The following LRP2 variants were observed in gnomAD, a reference collection of about 807,000 sequenced individuals.
The protein encoded by LRP2 is low-density lipoprotein receptor-related protein 2.
In LRP2, 172 loss-of-function variants were observed where a neutral mutation model predicts 531.0. That is an observed-to-expected ratio of 0.32 (90% CI 0.29 to 0.37). LRP2 has a LOEUF of 0.37. Ranked by LOEUF, LRP2 falls within the 10% of genes least tolerant of loss-of-function variation. The probability of loss-of-function intolerance (pLI) is 1.00; values close to 1 mark genes in which losing one functional copy is unlikely to be tolerated. For missense variants in LRP2, 5,167 were observed against 5,868.3 expected (o/e 0.88, Z 3.90); for synonymous variants, 1,992 against 2,027.6 (o/e 0.98, Z 0.47).
chr2:169,162,423 G>A lies in LRP2; in HGVS notation c.11887+49C>T, dbSNP rs762347878. On this transcript the variant is annotated intron_variant, in intron 63 of 78. Coordinates refer to ENST00000649046, the MANE Select transcript of LRP2 (RefSeq NM_004525.3). ...ATTATGTTATTGCATGTTTTAATTA[G>A]GTAAACCTGAGTTACTACAATGAAC... 8 of 1,606,934 alleles carry A rather than the reference G, an allele frequency of 5.0e-6. No individual in the cohort carries two copies. In the African/African-American group the frequency reaches 9.4e-5, roughly 19 times the overall value.
intron 31 of LRP2, among the ~76,000 whole-genome samples, chr2:169,231,113 G>C (rs1689381368): frequency 6.6e-6 from 1 of 152,052 alleles, no homozygotes; most frequent in African/African-American, 2.4e-5. Context: ...GGGCAACATG[G>C]CAAAACCCGG....
intron 34 of LRP2, 89 bp downstream of exon 34, chr2:169,220,365 C>T (rs1355620525): frequency 8.5e-6 from 8 of 944,012 alleles, no homozygotes; most frequent in African/African-American, 1.6e-5. Context: ...CAGAAGATGT[C>T]CTAAATTTGA....
chr2:169,244,748 G>T lies in LRP2; in HGVS notation c.3375C>A (p.Asn1125Lys). The T allele has an allele frequency of 6.2e-7, 1 of 1,614,202 alleles. No homozygotes were observed. The highest frequency in any genetic ancestry group is 8.5e-7 in the Non-Finnish European group (1 of 1,180,028). The change falls in exon 22 of 79, where the codon AAC becomes AAA. Residue 1125 changes from asparagine (N) to lysine (K), a missense_variant. Coordinates refer to ENST00000649046, the MANE Select transcript of LRP2 (RefSeq NM_004525.3). ...TCDNHQCISK[N>K]WVCDTDNDCG... ...AATCATTGTCTGTGTCACAGACCCA[G>T]TTCTTTGAGATACACTGGTGATTAT... is the stretch of plus-strand genomic sequence containing the variant.
intron 50 of LRP2, among the ~76,000 whole-genome samples, chr2:169,183,759 G>A (rs1463377195): frequency 2.0e-5 from 3 of 152,182 alleles, no homozygotes; most frequent in Admixed American, 6.5e-5. Flanking sequence ...TCCAATGTGC[G>A]TAATGGTGGT....
intron 4 of LRP2, among the ~76,000 whole-genome samples, chr2:169,304,021 T>A (rs1684351029): frequency 6.6e-6 from 1 of 152,236 alleles, no homozygotes; most frequent in Non-Finnish European, 1.5e-5. Flanking sequence ...CATATTCGTA[T>A]CCTGCCAGGT....
In LRP2 at chr2:169,347,288, G is replaced by A. The variant is rs113633666; in HGVS notation, c.79+15033C>T. 2.6e-3 allele frequency among the ~76,000 whole-genome samples: 389 copies of A among 152,266 alleles called. 4 individuals carry two copies. Among genetic ancestry groups the A allele is most frequent in the African/African-American group, 7.5e-3 (312 of 41,542 alleles). On this transcript the variant is annotated intron_variant, in intron 1 of 78. Transcript: ENST00000649046. Reference sequence around the variant, plus strand: ...AATGACAGAGCAGAGATCTTTGGCCGTAGTGAGAGATACTTTGGGACCAAG... The same window carrying A: ...AATGACAGAGCAGAGATCTTTGGCCATAGTGAGAGATACTTTGGGACCAAG...
At position 169,237,269 on chromosome 2, in the gene LRP2, T is replaced by C; in HGVS notation, c.4525A>G (p.Ile1509Val). The C allele has an allele frequency of 6.2e-7, 1 of 1,613,374 alleles. No homozygotes were observed. Among genetic ancestry groups the C allele is most frequent in the South Asian group, 1.1e-5 (1 of 91,068 alleles). ...DRRVVFDSSI[I>V]LTETIAIDWV... ...TCTATTGCAATAGTTTCAGTCAAGA[T>C]GATGCTACTGTCAAATACCTAAAGA... The change falls in exon 28 of 79, where the codon ATC becomes GTC. Residue 1509 changes from isoleucine to valine, a missense_variant. By Grantham distance (29) the Ile-to-Val change is conservative. Coordinates refer to ENST00000649046, the MANE Select transcript of LRP2 (RefSeq NM_004525.3).
chr2:169,155,574 A>T (rs1229263480), intron 65 of LRP2, among the ~76,000 whole-genome samples: 1 of 152,214 alleles, frequency 6.6e-6, no homozygotes, highest in East Asian at 1.9e-4. Context: ...ACTCTAGTAC[A>T]AACTTCAAAT....
intron 6 of LRP2, among the ~76,000 whole-genome samples, chr2:169,293,756 T>G (rs770266272): frequency 3.9e-5 from 6 of 152,050 alleles, no homozygotes; most frequent in Non-Finnish European, 8.8e-5. Flanking sequence ...AAGAGGAGAG[T>G]TAGAGCCACT....
At chr2:169,356,416 G>A (rs760402659) in intron 1 of LRP2, among the ~76,000 whole-genome samples, 9 of 152,136 alleles carry the variant, frequency 5.9e-5, no homozygotes, top group Admixed American at 2.0e-4. Context: ...TAAAATTCTC[G>A]TATTGGGTAA....
rs1253916238 is a variant in LRP2, at chr2:169,246,573, G to C, written c.3190+132C>G. On this transcript the variant is annotated intron_variant, in intron 21 of 78. Transcript: ENST00000649046. ...GCTTAGCTTCCTAAAAGCCTTCAAAGTGCATGTTAAGAATCTGAAATTCTA... is the reference window on the plus strand; with the variant it reads ...GCTTAGCTTCCTAAAAGCCTTCAAACTGCATGTTAAGAATCTGAAATTCTA... The C allele has an allele frequency of 5.5e-6, 6 of 1,093,012 alleles. No homozygotes were observed. In the East Asian group the frequency reaches 9.4e-5, roughly 17 times the overall value. The allele number at this position is 1,093,012 out of a possible 1,614,324, so 67.7% of individuals were successfully genotyped here.
At chr2:169,147,046 A>C (rs1423944998) in intron 68 of LRP2, 87 bp from the exon 69 acceptor site, 1 of 1,035,108 alleles carries the variant, frequency 9.7e-7, no homozygotes, top group African/African-American at 1.6e-5. Context: ...CTACAGGGAA[A>C]CCAACTGTTT....
intron 21 of LRP2, 135 bp from the exon 22 acceptor site, chr2:169,245,067 A>C: frequency 1.0e-6 from 1 of 953,846 alleles, no homozygotes; most frequent in Non-Finnish European, 1.6e-6. Context: ...TCATCAAGTG[A>C]TGTCATCATC....
chr2:169,351,474 G>T (rs780049635), intron 1 of LRP2, among the ~76,000 whole-genome samples: 3 of 152,208 alleles, frequency 2.0e-5, no homozygotes, highest in Non-Finnish European at 4.4e-5. Context: ...TTGGACTTAA[G>T]AACTGGGAAA....
chr2:169,234,392 A>C (rs6752778), intron 29 of LRP2, among the ~76,000 whole-genome samples: 77,370 of 151,850 alleles, frequency 0.51, 20,920 homozygotes, highest in African/African-American at 0.68. Context: ...TGACAACATG[A>C]AGTGTTTGGT....
At chr2:169,200,233 A>C (rs947786382) in intron 44 of LRP2, among the ~76,000 whole-genome samples, 6 of 152,216 alleles carry the variant, frequency 3.9e-5, no homozygotes, top group Admixed American at 6.5e-5. Context: ...CCTGGGCGAT[A>C]GAGCAAGACT....
intron 6 of LRP2, 110 bp downstream of exon 6, chr2:169,294,036 TCC>T: frequency 1.3e-6 from 1 of 770,038 alleles, no homozygotes; most frequent in Admixed American, 1.9e-5. Flanking sequence ...GTGACTCTTC[TCC>T]TTGAAAAAAG....
chr2:169,318,299 A>G (rs1459707832), intron 3 of LRP2, among the ~76,000 whole-genome samples: 2 of 152,074 alleles, frequency 1.3e-5, no homozygotes, highest in Non-Finnish European at 2.9e-5. Flanking sequence ...CTGTGGCAGC[A>G]GTCACTGAAG....
intron 74 of LRP2, among the ~76,000 whole-genome samples, chr2:169,138,922 C>G (rs1169596947): frequency 6.6e-6 from 1 of 152,158 alleles, no homozygotes; most frequent in Non-Finnish European, 1.5e-5. Context: ...ACCATGAGAT[C>G]TAAAAGAAAA....
Sources: allele counts gnomAD v4.1 joint callset (sites outside exome capture counted in the v4.1 genomes callset), GRCh38; gene constraint gnomAD v4.1.1; transcripts MANE v1.5; gene names NCBI Gene and HGNC (gene_info 2026-07-23, HGNC 2026-07-21).